Variants in BNC1 observed in about 807,000 individuals in gnomAD.
The protein encoded by BNC1 is zinc finger protein basonuclin-1.
Under a neutral mutation model 66.5 loss-of-function variants are expected in BNC1, and 8 were observed. That is an observed-to-expected ratio of 0.12 (90% CI 0.07 to 0.22). BNC1 has a LOEUF of 0.22. Ranked by LOEUF, BNC1 falls within the 10% of genes least tolerant of loss-of-function variation. The pLI is 1.00. For missense variants in BNC1, 1,069 were observed against 1,241.3 expected (o/e 0.86, Z 2.09); for synonymous variants, 454 against 452.6 (o/e 1.00, Z -0.04).
Position 83,257,763 on chromosome 15 carries a change from C to T in BNC1, c.2664G>A (p.Glu888=). 4 of 1,614,162 alleles carry T rather than the reference C, an allele frequency of 2.5e-6. No individual in the cohort carries two copies. Among genetic ancestry groups the T allele is most frequent in the Non-Finnish European group, 3.4e-6 (4 of 1,180,032 alleles). ...GVSEEGTVLM[E]DSDGNCEGSS... ...ACCCTTCACAGTTCCCATCACTGTC[C>T]TCCATAAGCACAGTGCCTTCCTCAC... The change falls in exon 5 of 5, where the codon GAG becomes GAA. Residue 888 remains glutamate (E), a synonymous_variant. Transcript: ENST00000345382.
chr15:83,281,807 C>A (rs1432602507), intron 1 of BNC1, among the ~76,000 whole-genome samples: 1 of 152,222 alleles, frequency 6.6e-6, no homozygotes, highest in African/African-American at 2.4e-5. Context: ...CTTTGTTCCA[C>A]AGGGAAACCT....
rs766989258 is a variant in BNC1, at chr15:83,263,333, G to T, written c.1918C>A (p.Pro640Thr). The change falls in exon 4 of 5, where the codon CCA becomes ACA. Residue 640 changes from proline (P) to threonine (T), a missense_variant. Physicochemically the swap from Pro to Thr is conservative, Grantham distance 38 (BLOSUM62 -1). This residue lies in a region of BNC1 where 657 missense variants were observed against 715.8 expected (regional missense o/e 0.92). Transcript: ENST00000345382. The stretch of plus-strand genomic sequence containing the variant: ...TCCCTTGGCACCATGATCAATGCTG[G>T]TGTCTGCTCAGTCTCCCTCTCTGAA... ...HNSERETEQT[P>T]ALIMVPREVE... The T allele has an allele frequency of 3.1e-6, 5 of 1,614,224 alleles. No homozygotes were observed. Among genetic ancestry groups the T allele is most frequent in the Non-Finnish European group, 4.2e-6 (5 of 1,180,026 alleles).
chr15:83,271,857 A>C (rs1196223120), intron 1 of BNC1, among the ~76,000 whole-genome samples: 3 of 152,252 alleles, frequency 2.0e-5, no homozygotes, highest in African/African-American at 7.2e-5. Flanking sequence ...TGAACAGTAT[A>C]CATCTATGTA....
Position 83,267,067 on chromosome 15 carries a change from T to G in BNC1, c.204A>C (p.Leu68=), listed in dbSNP as rs773525290. The G allele has an allele frequency of 4.3e-6, 7 of 1,609,804 alleles. 1 individual carries two copies. Among genetic ancestry groups the G allele is most frequent in the Non-Finnish European group, 6.0e-6 (7 of 1,176,382 alleles). Residue 68 remains leucine (L), a synonymous_variant, in exon 3 of 5, where the codon CTA becomes CTC. Transcript: ENST00000345382. ...ACATGGGGGGGATCCTTAGCTTACTTAGAGCTGAAAAATCAAATTGAGGAA... is the reference window on the plus strand; with the variant it reads ...ACATGGGGGGGATCCTTAGCTTACTGAGAGCTGAAAAATCAAATTGAGGAA... ...QCKHGWVAHA[L]SKLRIPPMYP... is the part of the protein sequence containing the mutation.
chr15:83,275,352 C>T (rs2038309093), intron 1 of BNC1, among the ~76,000 whole-genome samples: 1 of 152,198 alleles, frequency 6.6e-6, no homozygotes, highest in African/African-American at 2.4e-5. Context: ...AAAAATTAGC[C>T]AGGCGTGGTG....
chr15:83,273,974 G>A (rs1048167797), intron 1 of BNC1, among the ~76,000 whole-genome samples: 1 of 152,208 alleles, frequency 6.6e-6, no homozygotes, highest in African/African-American at 2.4e-5. Context: ...TCATTTCACT[G>A]AAGATAAACC....
Position 83,266,952 on chromosome 15 carries a change from G to A in BNC1, c.319C>T (p.Arg107Cys). 1 of 1,614,116 alleles carries A rather than the reference G, an allele frequency of 6.2e-7. No homozygotes were observed. Among genetic ancestry groups the A allele is most frequent in the Non-Finnish European group, 8.5e-7 (1 of 1,179,980 alleles). Residue 107 changes from arginine to cysteine, a missense_variant, in exon 3 of 5, where the codon CGC becomes TGC. Coordinates refer to ENST00000345382, the MANE Select transcript of BNC1 (RefSeq NM_001717.4). ...AGCCGGTCCAGTAGGATTTTTAGGC[G>A]AACGGGGATGGCCTGGGTCCCATAG... ...MLYGTQAIPV[R>C]LKILLDRLFS...
In BNC1 at chr15:83,264,299, T is replaced by C; in HGVS notation, c.952A>G (p.Thr318Ala). Residue 318 changes from threonine to alanine, a missense_variant, in exon 4 of 5, where the codon ACC (threonine) becomes GCC (alanine). By Grantham distance (58) the Thr-to-Ala change is moderately conservative (BLOSUM62 0). This residue lies in a region of BNC1 where 82 missense variants were observed against 136.3 expected (regional missense o/e 0.60). Transcript: ENST00000345382. Reference sequence around the variant, plus strand: ...TATGAGCTGGAGTCACTTAAATGGGTGCTGTCTTCTTTTTTAGTAATAGCA... The same window carrying C: ...TATGAGCTGGAGTCACTTAAATGGGCGCTGTCTTCTTTTTTAGTAATAGCA... ...PDAITKKEDS[T>A]HLSDSSSYNI... 1 of 1,614,096 alleles carries C rather than the reference T, an allele frequency of 6.2e-7. No individual in the cohort carries two copies. The highest frequency in any genetic ancestry group is 8.5e-7 in the Non-Finnish European group (1 of 1,180,012).
intron 3 of BNC1, 35 bp downstream of exon 3, chr15:83,266,801 G>A (rs1305240623): frequency 6.3e-7 from 1 of 1,589,802 alleles, no homozygotes; most frequent in Non-Finnish European, 8.6e-7. Flanking sequence ...ATTTCAGAAA[G>A]CACCCTAGGA....
chr15:83,275,373 G>A (rs1850951052), intron 1 of BNC1, among the ~76,000 whole-genome samples: 1 of 151,788 alleles, frequency 6.6e-6, no homozygotes, highest in Admixed American at 6.6e-5. Flanking sequence ...GCGCATGCCT[G>A]TAATCCCAGC....
intron 1 of BNC1, among the ~76,000 whole-genome samples, chr15:83,280,260 T>C (rs2038364778): frequency 1.3e-5 from 2 of 152,312 alleles, no homozygotes; most frequent in South Asian, 4.1e-4. Flanking sequence ...CTTTATAACC[T>C]AATTTGGGAA....
intron 3 of BNC1, among the ~76,000 whole-genome samples, chr15:83,266,255 TGGGG>T (rs2038216751): frequency 1.5e-5 from 1 of 67,404 alleles, no homozygotes; most frequent in Admixed American, 1.9e-4. Flanking sequence ...AACTGGGGTG[TGGGG>T]AGGGAGGGAG....
intron 1 of BNC1, among the ~76,000 whole-genome samples, chr15:83,271,757 C>G (rs1301645685): frequency 1.3e-5 from 2 of 152,080 alleles, no homozygotes; most frequent in African/African-American, 4.8e-5. Flanking sequence ...GAAAAAAAAT[C>G]AAGAAACACT....
At chr15:83,275,807 A>G (rs1395760973) in intron 1 of BNC1, among the ~76,000 whole-genome samples, 3 of 152,132 alleles carry the variant, frequency 2.0e-5, no homozygotes, top group Non-Finnish European at 2.9e-5. Context: ...GAAAATGAGA[A>G]TAAGACAGGT....
chr15:83,271,718 C>T (rs916819484), intron 1 of BNC1, among the ~76,000 whole-genome samples: 15 of 152,032 alleles, frequency 9.9e-5, no homozygotes, highest in African/African-American at 3.4e-4. Flanking sequence ...GAAAAAATGT[C>T]TAAAATCTCC....
chr15:83,260,953 C>T lies in BNC1; in HGVS notation c.2300+1998G>A, dbSNP rs78271143. 1.8e-3 allele frequency among the ~76,000 whole-genome samples: 274 copies of T among 152,246 alleles called. 6 individuals are homozygous for T. The East Asian group carries it at 0.045, about 25-fold the overall frequency. On this transcript the variant is annotated intron_variant, in intron 4 of 4. Coordinates refer to ENST00000345382, the MANE Select transcript of BNC1 (RefSeq NM_001717.4). ...ACTAATTAGTGGTTTTAATTTATAA[C>T]GCAAGATGCTTTCCTGTTGTGGTGG...
chr15:83,283,963 TCACGGCCGCCCGCCCGTCTCCG>T (rs2038413444), intron 1 of BNC1, among the ~76,000 whole-genome samples: 1 of 152,108 alleles, frequency 6.6e-6, no homozygotes, highest in Non-Finnish European at 1.5e-5. Flanking sequence ...GGGAGCCTCC[TCACGGCCGCCCGCCCGTCTCCG>T]CAGTTCTCCT....
rs150993013 is a variant in BNC1, at chr15:83,258,415, T to C, written c.2301-289A>G. Among the ~76,000 whole-genome samples, 11 of 152,366 alleles carry C rather than the reference T, an allele frequency of 7.2e-5. No homozygotes were observed. In the East Asian group the frequency reaches 1.7e-3, roughly 24 times the overall value. ...TGTTTGATGTACTTTCTGTACCTCA[T>C]GTCCTTTCTGTAAATGAGCTCACTG... On this transcript the variant is annotated intron_variant, in intron 4 of 4. Transcript: ENST00000345382.
chr15:83,269,398 G>C (rs2038247917), intron 1 of BNC1, among the ~76,000 whole-genome samples: 1 of 152,076 alleles, frequency 6.6e-6, no homozygotes, highest in African/African-American at 2.4e-5. Context: ...GAATTTGTAT[G>C]ATTCACAAGA....
Sources: gnomAD v4.1 joint callset for allele counts (sites outside exome capture counted in the v4.1 genomes callset) on GRCh38, gnomAD v4.1.1 for gene constraint, gnomAD v4.1.1 regional missense constraint, MANE v1.5 for transcripts, NCBI Gene and HGNC (gene_info 2026-07-23, HGNC 2026-07-21) for gene names.